The following CFH variants were observed in gnomAD, a reference collection of about 807,000 sequenced individuals.
The protein encoded by CFH is complement factor H.
Under a neutral mutation model 147.3 loss-of-function variants are expected in CFH, and 53 were observed. That is an observed-to-expected ratio of 0.36 (90% CI 0.29 to 0.45). The LOEUF (loss-of-function observed/expected upper bound fraction) is 0.45. Ranked by LOEUF, CFH falls within the 20% of genes least tolerant of loss-of-function variation. CFH has a pLI of 1.00. For synonymous variants in CFH, 536 were observed against 489.4 expected (o/e 1.10, Z -1.26); for missense variants, 1,380 against 1,498.0 (o/e 0.92, Z 1.30).
intron 1 of CFH, among the ~76,000 whole-genome samples, chr1:196,671,587 TACACACACAC>T (rs551313147): frequency 8.5e-5 from 11 of 129,514 alleles, no homozygotes; most frequent in African/African-American, 1.7e-4. Context: ...AAAAGACTAA[TACACACACAC>T]ACACACACAC....
intron 11 of CFH, among the ~76,000 whole-genome samples, chr1:196,716,697 T>G (rs952599393): frequency 2.0e-5 from 3 of 152,040 alleles, no homozygotes; most frequent in African/African-American, 4.8e-5. Context: ...ATGTTGGGTG[T>G]GAAAAAGAGT....
In CFH at chr1:196,726,755, A is replaced by C; in HGVS notation, c.2057-6A>C. The C allele has an allele frequency of 6.2e-7, 1 of 1,613,750 alleles. No individual in the cohort carries two copies. ...ACAATAAACTTTTTTTGTAAAATTTACATAGTGGAGGAGAGTACCTGTGGA... is the reference window on the plus strand; with the variant it reads ...ACAATAAACTTTTTTTGTAAAATTTCCATAGTGGAGGAGAGTACCTGTGGA... On this transcript the variant is annotated splice_polypyrimidine_tract_variant and splice_region_variant and intron_variant, in intron 13 of 21. Transcript: ENST00000367429.
intron 9 of CFH, among the ~76,000 whole-genome samples, chr1:196,707,687 C>A (rs915346863): frequency 6.6e-6 from 1 of 152,228 alleles, no homozygotes; most frequent in South Asian, 2.1e-4. Flanking sequence ...ACTTCAGAGA[C>A]TGTCTCAACC....
At chr1:196,733,785 G>A (rs1440044753) in intron 15 of CFH, among the ~76,000 whole-genome samples, 1 of 152,014 alleles carries the variant, frequency 6.6e-6, no homozygotes, top group Non-Finnish European at 1.5e-5. Flanking sequence ...GTATCACTGG[G>A]GTGAGCCACG....
intron 14 of CFH, among the ~76,000 whole-genome samples, chr1:196,727,149 T>C (rs1196288365): frequency 6.6e-6 from 1 of 152,170 alleles, no homozygotes; most frequent in East Asian, 1.9e-4. Context: ...TGAATCTTTC[T>C]GCGTCTGATA....
chr1:196,746,634 G>A (rs495968), intron 21 of CFH, among the ~76,000 whole-genome samples: 1,823 of 152,084 alleles, frequency 0.012, 27 homozygotes, highest in African/African-American at 0.04. Context: ...ATTGGGTGTA[G>A]GTGGGTGTGT....
intron 9 of CFH, among the ~76,000 whole-genome samples, chr1:196,708,312 C>G (rs1668642988): frequency 6.6e-6 from 1 of 152,148 alleles, no homozygotes; most frequent in African/African-American, 2.4e-5. Context: ...AATATGACTA[C>G]CTATCTGCAC....
At position 196,658,407 on chromosome 1, in the gene CFH, A is replaced by ATTTTTTTTTTTTTTTTTTTTT; in HGVS notation, c.58+6234_58+6254dup. ...GGATTACAGCCACCTTGCTCAGGTA[A>ATTTTTTTTTTTTTTTTTTTTT]TTTTTTTTTTTTTTTTTTTTTTGAG... On this transcript the variant is annotated intron_variant, in intron 1 of 21. Transcript: ENST00000367429. Among the ~76,000 whole-genome samples the ATTTTTTTTTTTTTTTTTTTTT allele has an allele frequency of 8.1e-4, 75 of 92,248 alleles. 7 individuals carry two copies. The highest frequency in any genetic ancestry group is 1.5e-3 in the African/African-American group (29 of 19,104). 60.5% of individuals were successfully genotyped at this position (92,248 alleles called of 152,430 possible). A position where few individuals can be genotyped will look rare whatever the true frequency, so the allele number is the denominator to read the frequency against.
rs531946816 is a variant in CFH, at chr1:196,652,591, T to A, written c.58+416T>A. On this transcript the variant is annotated intron_variant, in intron 1 of 21. Coordinates refer to ENST00000367429, the MANE Select transcript of CFH (RefSeq NM_000186.4). ...TCATAATGATTAGATTTATTTCAAA[T>A]ATGATTTTAACTCTTCCTAAATAAA... is the stretch of plus-strand genomic sequence containing the variant. Among the ~76,000 whole-genome samples the A allele has an allele frequency of 2.0e-5, 3 of 152,018 alleles. No homozygotes were observed. The South Asian group carries it at 6.2e-4, about 32-fold the overall frequency.
intron 13 of CFH, 54 bp from the exon 14 acceptor site, chr1:196,726,707 T>A (rs1263036489): frequency 6.2e-7 from 1 of 1,604,066 alleles, no homozygotes; most frequent in Non-Finnish European, 8.5e-7. Flanking sequence ...ATTTTGTATC[T>A]AAAACACATA....
At chr1:196,681,149 C>T (rs1179218176) in intron 6 of CFH, among the ~76,000 whole-genome samples, 1 of 151,806 alleles carries the variant, frequency 6.6e-6, no homozygotes, top group African/African-American at 2.4e-5. Context: ...ATGCAGTAAT[C>T]AAAATGTAAC....
At chr1:196,668,287 T>A (rs1667164439) in intron 1 of CFH, among the ~76,000 whole-genome samples, 1 of 152,210 alleles carries the variant, frequency 6.6e-6, no homozygotes, top group Admixed American at 6.5e-5. Flanking sequence ...TGCTTAAGAA[T>A]GTGTTTCTAT....
intron 3 of CFH, among the ~76,000 whole-genome samples, chr1:196,675,287 T>C (rs1667417475): frequency 6.6e-6 from 1 of 152,148 alleles, no homozygotes; most frequent in South Asian, 2.1e-4. Context: ...GATGGGTTAC[T>C]AAAATTACTT....
chr1:196,692,356 TTTTA>T (rs879906314), intron 9 of CFH: 4 of 787,144 alleles, frequency 5.1e-6, no homozygotes, highest in South Asian at 5.9e-5. Context: ...ATCCCATTAC[TTTTA>T]TTTTTTTCTT....
At chr1:196,691,203 C>T (rs1305973217) in intron 9 of CFH, among the ~76,000 whole-genome samples, 3 of 151,938 alleles carry the variant, frequency 2.0e-5, no homozygotes, top group Non-Finnish European at 4.4e-5. Context: ...AATAATTATA[C>T]AATTATAGTT....
intron 1 of CFH, among the ~76,000 whole-genome samples, chr1:196,664,002 T>A (rs1666990671): frequency 6.6e-6 from 1 of 152,216 alleles, no homozygotes; most frequent in Non-Finnish European, 1.5e-5. Flanking sequence ...CTTTACTGTC[T>A]CGTCAGCTTT....
chr1:196,675,250 C>A (rs185791501), intron 3 of CFH, among the ~76,000 whole-genome samples: 3 of 152,164 alleles, frequency 2.0e-5, no homozygotes, highest in Admixed American at 2.0e-4. Context: ...TCAAGTAGAG[C>A]ATTTTTTAGA....
chr1:196,669,596 C>T (rs1384580495), intron 1 of CFH, among the ~76,000 whole-genome samples: 2 of 152,194 alleles, frequency 1.3e-5, no homozygotes, highest in Non-Finnish European at 2.9e-5. Context: ...TGGCAGCTTC[C>T]ACATGGTGTT....
intron 1 of CFH, among the ~76,000 whole-genome samples, chr1:196,661,713 G>A (rs945180666): frequency 6.6e-6 from 1 of 152,164 alleles, no homozygotes; most frequent in African/African-American, 2.4e-5. Flanking sequence ...GAGGTTGCAT[G>A]TATTCAGAGC....
Sources: gnomAD v4.1 joint callset for allele counts (sites outside exome capture counted in the v4.1 genomes callset) on GRCh38, gnomAD v4.1.1 for gene constraint, MANE v1.5 for transcripts, NCBI Gene and HGNC (gene_info 2026-07-23, HGNC 2026-07-21) for gene names.